Variants in CDH23 observed in about 807,000 individuals in gnomAD.
CDH23 encodes cadherin-23.
In CDH23, 189 loss-of-function variants were observed where a neutral mutation model predicts 317.1. The observed-to-expected ratio is 0.60, with a 90% CI of 0.53 to 0.67. CDH23 has a LOEUF of 0.67. Among genes scored for constraint, CDH23 ranks in the 30% least tolerant of loss-of-function variants. The pLI is 0.00. For synonymous variants in CDH23, 1,839 were observed against 1,876.8 expected, an observed-to-expected ratio of 0.98 and a Z score of 0.52; for missense variants, 4,401 against 4,592.4, an observed-to-expected ratio of 0.96 and a Z score of 1.20.
At chr10:71,732,416 A>C in intron 32 of CDH23, 41 bp downstream of exon 32, 1 of 1,550,904 alleles carries the variant, frequency 6.4e-7, no homozygotes, top group Non-Finnish European at 8.7e-7. Context: ...CTTCCAATCT[A>C]ACCAACATTG....
At chr10:71,737,779 C>G (rs1379153160) in intron 34 of CDH23, 3 of 469,074 alleles carry the variant, frequency 6.4e-6, no homozygotes, top group Non-Finnish European at 1.3e-5. Context: ...GGAGGCCTCA[C>G]CCGCGGCAGG....
At chr10:71,583,173 G>A (rs954081641) in intron 9 of CDH23, among the ~76,000 whole-genome samples, 5 of 151,568 alleles carry the variant, frequency 3.3e-5, no homozygotes, top group Non-Finnish European at 5.9e-5. Context: ...CAGAGACTCT[G>A]CAGTAGGAGA....
At chr10:71,809,771 T>C in intron 60 of CDH23, 49 bp from the exon 61 acceptor site, 1 of 1,587,846 alleles carries the variant, frequency 6.3e-7, no homozygotes, top group Admixed American at 1.7e-5. Flanking sequence ...TCCTGGGGAT[T>C]CGGGGCACTG....
At chr10:71,554,883 C>T (rs1365231758) in intron 6 of CDH23, among the ~76,000 whole-genome samples, 2 of 152,168 alleles carry the variant, frequency 1.3e-5, no homozygotes, top group Non-Finnish European at 2.9e-5. Context: ...GTTGACATTG[C>T]ATAGCAACAG....
chr10:71,669,540 C>T (rs9415985), intron 14 of CDH23, among the ~76,000 whole-genome samples: 68,055 of 151,386 alleles, frequency 0.45, 15,846 homozygotes, highest in East Asian at 0.6. Context: ...CTCCACCTCC[C>T]GGGTTCAAGC....
At chr10:71,443,034 G>C (rs1251394327) in intron 2 of CDH23, among the ~76,000 whole-genome samples, 1 of 152,198 alleles carries the variant, frequency 6.6e-6, no homozygotes, top group East Asian at 1.9e-4. Flanking sequence ...CTGACTCCTT[G>C]AATTTATCCC....
intron 14 of CDH23, among the ~76,000 whole-genome samples, chr10:71,659,089 TGTCAGAAGTCACCCTTCAGTAG>T (rs1302795488): frequency 6.6e-6 from 1 of 152,240 alleles, no homozygotes; most frequent in Non-Finnish European, 1.5e-5. Context: ...GCTCTGCTCC[TGTCAGAAGTCACCCTTCAGTAG>T]GTTCGCTGCT....
At chr10:71,762,017 G>C in intron 38 of CDH23, 1 of 1,601,388 alleles carries the variant, frequency 6.2e-7, no homozygotes, top group Non-Finnish European at 8.5e-7. Flanking sequence ...CTTGAAGGCT[G>C]CCACCGGACC....
chr10:71,683,900 G>A (rs7907410), intron 18 of CDH23, among the ~76,000 whole-genome samples: 1 of 151,738 alleles, frequency 6.6e-6, no homozygotes, highest in African/African-American at 2.4e-5. Flanking sequence ...GACCAACGTG[G>A]TGAAACTCCA....
At chr10:71,400,453 C>T (rs1001989124) in intron 1 of CDH23, among the ~76,000 whole-genome samples, 2 of 151,472 alleles carry the variant, frequency 1.3e-5, no homozygotes, top group South Asian at 4.1e-4. Flanking sequence ...TTACAAAGAG[C>T]GAGCTAATGT....
intron 1 of CDH23, among the ~76,000 whole-genome samples, chr10:71,403,188 A>G (rs1847866242): frequency 6.6e-6 from 1 of 152,114 alleles, no homozygotes; most frequent in Non-Finnish European, 1.5e-5. Flanking sequence ...ATAAACATCT[A>G]GACTTCTGGC....
Position 71,553,517 on chromosome 10 carries a change from C to T in CDH23, c.430-13225C>T, listed in dbSNP as rs531440314. ...ACCACACTCATACCTGCCCAGGCCT[C>T]TGCTGCCCCCTTCACCCACTCCTTC... On this transcript the variant is annotated intron_variant, in intron 6 of 69. Transcript: ENST00000224721. 5.9e-5 allele frequency among the ~76,000 whole-genome samples: 9 copies of T among 152,340 alleles called. No homozygotes were observed. In the East Asian group the frequency reaches 1.7e-3, roughly 29 times the overall value.
intron 38 of CDH23, chr10:71,749,269 A>G (rs1223409908): frequency 3.3e-5 from 5 of 152,282 alleles, no homozygotes; most frequent in Admixed American, 2.0e-4. Flanking sequence ...GCAGGCCCCC[A>G]TGAATTGTGA....
At position 71,461,929 on chromosome 10, in the gene CDH23, C is replaced by T. The variant is rs137988864; in HGVS notation, c.145+15534C>T. On this transcript the variant is annotated intron_variant, in intron 3 of 69. Transcript: ENST00000224721. ...TTGCTGTGGCTGGGCCACTTAGGAC[C>T]GCTGCCCTGGCCATGCAGCTTCCTA... Among the ~76,000 whole-genome samples, 134 of 152,334 alleles carry T rather than the reference C, an allele frequency of 8.8e-4. 1 individual carries two copies. The highest frequency in any genetic ancestry group is 1.9e-3 in the Admixed American group (29 of 15,304).
chr10:71,778,402 T>C (rs903420853), intron 40 of CDH23, 94 bp downstream of exon 40: 32 of 1,505,336 alleles, frequency 2.1e-5, no homozygotes, highest in Non-Finnish European at 2.3e-5. Context: ...TAGGGGAAGA[T>C]TGTCTGAGGG....
intron 46 of CDH23, 23 bp downstream of exon 46, chr10:71,790,436 C>G: frequency 1.2e-6 from 2 of 1,608,896 alleles, no homozygotes; most frequent in South Asian, 1.1e-5. Flanking sequence ...TGCCACCCAG[C>G]ACTCCCAGCC....
chr10:71,637,050 G>T (rs1249616635), intron 11 of CDH23, among the ~76,000 whole-genome samples: 3 of 152,176 alleles, frequency 2.0e-5, no homozygotes, highest in Admixed American at 2.0e-4. Flanking sequence ...GAAGCAGCTG[G>T]CTTTGAGTTG....
chr10:71,527,815 A>G (rs1426644118), intron 6 of CDH23, among the ~76,000 whole-genome samples: 3 of 152,178 alleles, frequency 2.0e-5, no homozygotes, highest in African/African-American at 7.2e-5. Context: ...GCACTTAGGA[A>G]CAGGACTTGC....
intron 1 of CDH23, among the ~76,000 whole-genome samples, chr10:71,411,070 A>G (rs1848326014): frequency 6.6e-6 from 1 of 152,216 alleles, no homozygotes; most frequent in Non-Finnish European, 1.5e-5. Context: ...TTGCCAGTGT[A>G]AATTCTTCAG....
Sources: gnomAD v4.1 joint callset for allele counts (sites outside exome capture counted in the v4.1 genomes callset) on GRCh38, gnomAD v4.1.1 for gene constraint, MANE v1.5 for transcripts, NCBI Gene and HGNC (gene_info 2026-07-23, HGNC 2026-07-21) for gene names.